GALNT13: variants seen among roughly 807,000 people sequenced by gnomAD.
GALNT13 encodes the protein polypeptide N-acetylgalactosaminyltransferase 13, also known as UDP-GalNAc:polypeptide N-acetylgalactosaminyltransferase 13.
A neutral mutation model predicts 64.2 loss-of-function variants in GALNT13; 28 were observed. That is an observed-to-expected ratio of 0.44 (90% CI 0.32 to 0.60). The LOEUF is 0.60. GALNT13 is among the 20% of genes least tolerant of loss of function. The pLI is 0.05. For missense variants in GALNT13, 577 were observed against 669.8 expected (o/e 0.86, Z 1.53); for synonymous variants, 214 against 224.6 (o/e 0.95, Z 0.42).
At chr2:153,277,215 G>A in the GALNT13 span, among the ~76,000 whole-genome samples, 5 of 152,100 alleles carry the variant, frequency 3.3e-5, no homozygotes, top group Admixed American at 6.5e-5. Flanking sequence ...CTATATCCCC[G>A]CTCTAGTACT....
At chr2:153,156,746 G>C in the GALNT13 span, among the ~76,000 whole-genome samples, 2 of 152,012 alleles carry the variant, frequency 1.3e-5, no homozygotes, top group Non-Finnish European at 2.9e-5. Context: ...ACAAACCCTG[G>C]ACTAGGTGTT....
chr2:154,429,966 A>G (rs773284903), intron 11 of GALNT13, among the ~76,000 whole-genome samples: 3 of 152,186 alleles, frequency 2.0e-5, no homozygotes, highest in Non-Finnish European at 4.4e-5. Flanking sequence ...TTTTAAGCCC[A>G]CTGTTGTGAC....
chr2:153,079,329 T>G, the GALNT13 span, among the ~76,000 whole-genome samples: 1 of 152,224 alleles, frequency 6.6e-6, no homozygotes, highest in Non-Finnish European at 1.5e-5. Flanking sequence ...AAGTGCAGAT[T>G]GCAATCCAGG....
chr2:153,673,649 G>A, the GALNT13 span, among the ~76,000 whole-genome samples: 1 of 152,104 alleles, frequency 6.6e-6, no homozygotes, highest in East Asian at 1.9e-4. Context: ...ACCAACACAA[G>A]ACAAGGATGC....
the GALNT13 span, among the ~76,000 whole-genome samples, chr2:153,839,528 C>T: frequency 7.9e-5 from 12 of 151,580 alleles, no homozygotes; most frequent in Non-Finnish European, 1.8e-4. Context: ...AATTTTTATC[C>T]TTCCTTCTGT....
chr2:154,357,259 G>C (rs1390913034), intron 9 of GALNT13, among the ~76,000 whole-genome samples: 1 of 151,926 alleles, frequency 6.6e-6, no homozygotes, highest in Non-Finnish European at 1.5e-5. Context: ...TAGCACTCTT[G>C]GATGACTTAT....
Position 153,987,958 on chromosome 2 carries a change from C to T in GALNT13, c.142+43319C>T, listed in dbSNP as rs142930047. Among the ~76,000 whole-genome samples, 469 of 151,624 alleles carry T rather than the reference C, an allele frequency of 3.1e-3. 2 individuals carry two copies. Among genetic ancestry groups the T allele is most frequent in the Non-Finnish European group, 5.3e-3 (362 of 67,764 alleles). Reference sequence around the variant, plus strand: ...AGTTAGGATTAATCCCATAAGTATTCGGGGGAGAAGAGCACCATAGAACAG... The same window carrying T: ...AGTTAGGATTAATCCCATAAGTATTTGGGGGAGAAGAGCACCATAGAACAG... On this transcript the variant is annotated intron_variant, in intron 3 of 12. Coordinates refer to ENST00000392825, the MANE Select transcript of GALNT13 (RefSeq NM_052917.4).
chr2:153,542,190 C>T, the GALNT13 span, among the ~76,000 whole-genome samples: 2 of 151,924 alleles, frequency 1.3e-5, no homozygotes, highest in African/African-American at 2.4e-5. Flanking sequence ...CGTGGTGGCA[C>T]AGGTCTGTAA....
At chr2:153,883,310 A>G (rs1321710381) in intron 1 of GALNT13, among the ~76,000 whole-genome samples, 2 of 151,930 alleles carry the variant, frequency 1.3e-5, no homozygotes, top group African/African-American at 4.8e-5. Flanking sequence ...TCCACGAAGC[A>G]TGACTTCCTA....
chr2:153,701,813 T>G, the GALNT13 span, among the ~76,000 whole-genome samples: 8 of 152,148 alleles, frequency 5.3e-5, no homozygotes, highest in African/African-American at 1.9e-4. Context: ...TGGCAATTAT[T>G]AAAAAGTCAA....
At chr2:154,267,553 T>C (rs1691083384) in intron 8 of GALNT13, among the ~76,000 whole-genome samples, 1 of 152,196 alleles carries the variant, frequency 6.6e-6, no homozygotes, top group African/African-American at 2.4e-5. Flanking sequence ...GGCAGGAGAA[T>C]CACTTCAACC....
the GALNT13 span, among the ~76,000 whole-genome samples, chr2:153,514,021 T>G: frequency 3.9e-5 from 6 of 152,236 alleles, no homozygotes; most frequent in East Asian, 1.2e-3. Context: ...TAGGGGATAT[T>G]AAAAACATTA....
chr2:153,537,869 G>A, the GALNT13 span, among the ~76,000 whole-genome samples: 1 of 152,132 alleles, frequency 6.6e-6, no homozygotes, highest in East Asian at 1.9e-4. Flanking sequence ...CTGTGAGTTA[G>A]TTAAATCTCT....
the GALNT13 span, among the ~76,000 whole-genome samples, chr2:153,111,603 C>T: frequency 1.1e-4 from 17 of 152,232 alleles, no homozygotes; most frequent in East Asian, 2.3e-3. Context: ...AGATTCCCAA[C>T]ACGAATAATT....
chr2:153,345,723 T>TCCGTCCG, the GALNT13 span, among the ~76,000 whole-genome samples: 8 of 82,870 alleles, frequency 9.7e-5, 1 homozygote, highest in African/African-American at 1.4e-4. Context: ...CTTTCTGTCC[T>TCCGTCCG]TCCTTCCTTC....
intron 9 of GALNT13, among the ~76,000 whole-genome samples, chr2:154,339,426 A>G (rs779035466): frequency 2.0e-5 from 3 of 152,116 alleles, no homozygotes; most frequent in Non-Finnish European, 4.4e-5. Flanking sequence ...TTAGGTTAGA[A>G]TTAACCCTGT....
At chr2:154,377,497 A>G (rs1698056629) in intron 9 of GALNT13, among the ~76,000 whole-genome samples, 1 of 152,158 alleles carries the variant, frequency 6.6e-6, no homozygotes, top group Admixed American at 6.5e-5. Flanking sequence ...TCAAGCCCAG[A>G]ACTTCTAAAT....
the GALNT13 span, among the ~76,000 whole-genome samples, chr2:153,381,477 A>C: frequency 6.6e-6 from 1 of 151,958 alleles, no homozygotes; most frequent in Non-Finnish European, 1.5e-5. Flanking sequence ...GGAGCAAGAA[A>C]GAAGGAAGAA....
the GALNT13 span, among the ~76,000 whole-genome samples, chr2:153,335,869 T>C: frequency 6.6e-6 from 1 of 151,942 alleles, no homozygotes; most frequent in South Asian, 2.1e-4. Flanking sequence ...AAAAAAGTGG[T>C]TTTGTGGGCT....
Sources: allele counts gnomAD v4.1 joint callset (sites outside exome capture counted in the v4.1 genomes callset), GRCh38; gene constraint gnomAD v4.1.1; transcripts MANE v1.5; gene names NCBI Gene and HGNC (gene_info 2026-07-23, HGNC 2026-07-21).